The following TAFA1 variants were observed in gnomAD, a reference collection of about 807,000 sequenced individuals.
TAFA1 encodes the protein TAFA chemokine like family member 1, also known as chemokine-like protein TAFA-1.
Under a neutral mutation model 18.5 loss-of-function variants are expected in TAFA1, and 4 were observed. That is an observed-to-expected ratio of 0.22 (90% confidence interval 0.11 to 0.49). The LOEUF is 0.49. Among genes scored for constraint, TAFA1 ranks in the 20% least tolerant of loss-of-function variants. The pLI is 0.98. For missense variants in TAFA1, 147 were observed against 169.0 expected (o/e 0.87, Z 0.72); for synonymous variants, 56 against 55.2 (o/e 1.01, Z -0.06).
At chr3:68,438,261 G>A (rs886199708) in intron 3 of TAFA1, among the ~76,000 whole-genome samples, 1 of 152,168 alleles carries the variant, frequency 6.6e-6, no homozygotes, top group East Asian at 1.9e-4. Context: ...GGGAGGCTAA[G>A]GTGGAAGTTT....
At chr3:68,160,896 C>T (rs1450144449) in intron 2 of TAFA1, among the ~76,000 whole-genome samples, 1 of 152,180 alleles carries the variant, frequency 6.6e-6, no homozygotes, top group African/African-American at 2.4e-5. Flanking sequence ...TCTGACCATA[C>T]ACTCAATGGA....
intron 2 of TAFA1, among the ~76,000 whole-genome samples, chr3:68,244,241 G>A (rs151286617): frequency 1.2e-4 from 18 of 152,190 alleles, no homozygotes; most frequent in Admixed American, 1.1e-3. Flanking sequence ...GGGGTCTTTT[G>A]CAGATCAAAA....
At chr3:68,001,953 G>T (rs568497065), upstream of TAFA1, among the ~76,000 whole-genome samples, 1 of 152,274 alleles carries the variant, frequency 6.6e-6, no homozygotes, top group East Asian at 1.9e-4. Flanking sequence ...TGTCACTTCA[G>T]CAATTAAATG....
intron 3 of TAFA1, among the ~76,000 whole-genome samples, chr3:68,469,504 C>A (rs548146915): frequency 3.3e-5 from 5 of 152,234 alleles, no homozygotes; most frequent in African/African-American, 1.2e-4. Flanking sequence ...GAAACCCCGT[C>A]TCTACTAAAA....
intron 4 of TAFA1, among the ~76,000 whole-genome samples, chr3:68,541,712 T>C (rs79217440): frequency 1.3e-5 from 2 of 152,026 alleles, no homozygotes; most frequent in East Asian, 3.9e-4. Context: ...CAACTGAGAG[T>C]TTCCTTCATA....
chr3:68,238,029 G>A (rs1434115159), intron 2 of TAFA1, among the ~76,000 whole-genome samples: 1 of 151,932 alleles, frequency 6.6e-6, no homozygotes, highest in Non-Finnish European at 1.5e-5. Context: ...GAAGGCCAGG[G>A]TAGCTGAAGT....
intron 2 of TAFA1, among the ~76,000 whole-genome samples, chr3:68,020,853 T>C (rs1211447312): frequency 6.6e-6 from 1 of 152,146 alleles, no homozygotes; most frequent in Admixed American, 6.6e-5. Context: ...AAGTACATTG[T>C]GTACGTAATT....
At chr3:68,263,446 T>TACACACACGCAC (rs1553662903) in intron 2 of TAFA1, among the ~76,000 whole-genome samples, 4 of 137,798 alleles carry the variant, frequency 2.9e-5, no homozygotes, top group South Asian at 5.0e-4. Flanking sequence ...CACACACACA[T>TACACACACGCAC]ACACACACAC....
At chr3:68,085,014 A>T (rs545683237) in intron 2 of TAFA1, among the ~76,000 whole-genome samples, 14 of 152,230 alleles carry the variant, frequency 9.2e-5, no homozygotes, top group African/African-American at 3.1e-4. Context: ...TTATCTCGTT[A>T]TCCATGCATC....
chr3:68,472,861 G>GA (rs1288340759), intron 3 of TAFA1, among the ~76,000 whole-genome samples: 1 of 152,052 alleles, frequency 6.6e-6, no homozygotes, highest in Non-Finnish European at 1.5e-5. Context: ...GAAGAATAAG[G>GA]AATGGCACAT....
the TAFA1 span, among the ~76,000 whole-genome samples, chr3:67,997,824 A>G: frequency 3.0e-5 from 3 of 99,190 alleles, no homozygotes; most frequent in Admixed American, 3.6e-4. Context: ...TGTTTCATGT[A>G]GTAAAAAATT....
At chr3:68,487,374 T>C (rs555649468) in intron 3 of TAFA1, among the ~76,000 whole-genome samples, 8 of 152,346 alleles carry the variant, frequency 5.3e-5, no homozygotes, top group Non-Finnish European at 8.8e-5. Flanking sequence ...CACAGCAAGT[T>C]AATTATGTTT....
At chr3:68,263,299 T>A (rs1423784091) in intron 2 of TAFA1, among the ~76,000 whole-genome samples, 1 of 152,138 alleles carries the variant, frequency 6.6e-6, no homozygotes, top group African/African-American at 2.4e-5. Flanking sequence ...ACATACAATA[T>A]GCTGTTTAGT....
chr3:68,419,555 AT>A (rs2070915301), intron 3 of TAFA1, among the ~76,000 whole-genome samples: 1 of 152,194 alleles, frequency 6.6e-6, no homozygotes, highest in Non-Finnish European at 1.5e-5. Context: ...ATGTTTCATA[AT>A]TTAGAGCTGG....
intron 2 of TAFA1, among the ~76,000 whole-genome samples, chr3:68,370,504 A>G (rs1294946363): frequency 5.7e-5 from 6 of 105,406 alleles, no homozygotes; most frequent in African/African-American, 1.1e-4. Flanking sequence ...ATATATATAT[A>G]TATATATATA....
chr3:68,542,971 A>G (rs1394581487), intron 4 of TAFA1, among the ~76,000 whole-genome samples: 6 of 152,196 alleles, frequency 3.9e-5, no homozygotes, highest in Non-Finnish European at 8.8e-5. Flanking sequence ...CTGAAAAAAT[A>G]AGTTATCAGT....
intron 2 of TAFA1, among the ~76,000 whole-genome samples, chr3:68,039,282 T>C (rs1705115435): frequency 6.6e-6 from 1 of 152,208 alleles, no homozygotes; most frequent in Admixed American, 6.5e-5. Flanking sequence ...ATATTAGCAA[T>C]TATGCATATT....
At chr3:68,092,038 C>G (rs1313498158) in intron 2 of TAFA1, among the ~76,000 whole-genome samples, 2 of 152,102 alleles carry the variant, frequency 1.3e-5, no homozygotes, top group Non-Finnish European at 2.9e-5. Context: ...GTCCCATTTC[C>G]TGGAATTATC....
At chr3:68,006,564 G>T in intron 1 of TAFA1, 60 bp from the exon 2 acceptor site, 4 of 1,093,522 alleles carry the variant, frequency 3.7e-6, no homozygotes, top group South Asian at 1.2e-5. Context: ...CATCAGTGGG[G>T]CTGACTGAGC....
Sources: allele counts gnomAD v4.1 joint callset (sites outside exome capture counted in the v4.1 genomes callset), GRCh38; gene constraint gnomAD v4.1.1; transcripts MANE v1.5; gene names NCBI Gene and HGNC (gene_info 2026-07-23, HGNC 2026-07-21).